Variants in HSPG2 observed in about 807,000 individuals in gnomAD.
HSPG2 encodes the protein heparan sulfate proteoglycan 2.
A neutral mutation model predicts 526.6 loss-of-function variants in HSPG2; 278 were observed. The ratio of observed to expected loss-of-function variants is 0.53; its 90% CI spans 0.48 to 0.58. HSPG2 has a LOEUF of 0.58. Among genes scored for constraint, HSPG2 ranks in the 20% least tolerant of loss-of-function variants. HSPG2 has a pLI of 0.00. For synonymous variants in HSPG2, 2,465 were observed against 2,555.4 expected, an observed-to-expected ratio of 0.96 and a Z score of 1.07; for missense variants, 5,354 against 6,099.5, an observed-to-expected ratio of 0.88 and a Z score of 4.07.
chr1:21,851,869 C>T lies in HSPG2; in HGVS notation c.6928G>A (p.Val2310Ile), dbSNP rs374301325. ...TCCATGCCGTTGCTGGCCCGGCAGACGTACTGTCCCGCATCGGCAGGTGAG... is the reference window on the plus strand; with the variant it reads ...TCCATGCCGTTGCTGGCCCGGCAGATGTACTGTCCCGCATCGGCAGGTGAG... ...QASPADAGQY[V>I]CRASNGMEAS... The change falls in exon 54 of 97, where the codon GTC becomes ATC. Residue 2310 changes from valine (V) to isoleucine (I), a missense_variant. Val to Ile is a conservative substitution (Grantham distance 29). Transcript: ENST00000374695. 55 of 1,613,002 alleles carry T rather than the reference C, an allele frequency of 3.4e-5. No individual in the cohort carries two copies. The highest frequency in any genetic ancestry group is 4.1e-5 in the Non-Finnish European group (48 of 1,179,764).
intron 44 of HSPG2, 125 bp from the exon 45 acceptor site, chr1:21,856,037 G>A: frequency 1.5e-6 from 2 of 1,308,520 alleles, no homozygotes; most frequent in Non-Finnish European, 2.1e-6. Flanking sequence ...GCACACAGGA[G>A]CCAGAGGGAG....
In HSPG2 at chr1:21,876,365, G is replaced by A. The variant is rs1641063888; in HGVS notation, c.2867C>T (p.Thr956Ile). 1 of 1,613,092 alleles carries A rather than the reference G, an allele frequency of 6.2e-7. No individual in the cohort carries two copies. Among genetic ancestry groups the A allele is most frequent in the Non-Finnish European group, 8.5e-7 (1 of 1,179,644 alleles). Residue 956 changes from threonine (T) to isoleucine (I), a missense_variant, in exon 23 of 97, where the codon ACC becomes ATC. Coordinates refer to ENST00000374695, the MANE Select transcript of HSPG2 (RefSeq NM_005529.7). ...ASEEPGHFSL[T>I]NAASTHTTNE... ...GGTGGTGTGGGTGCTTGCGGCGTTG[G>A]TCAGGCTGAAGTGACCAGGCTCCTC...
In HSPG2 at chr1:21,880,115, G is replaced by A. The variant is rs149094407; in HGVS notation, c.2335C>T (p.His779Tyr). ...CTGCTGGCACTACTCACCAGGCAGT[G>A]GCCATACACAGGGTCACAGGAGCTG... ...HASSCDPVYG[H>Y]CLNCQHNTEG... Residue 779 changes from histidine to tyrosine, a missense_variant, in exon 17 of 97, where the codon CAC becomes TAC. Physicochemically the swap from His to Tyr is moderately conservative, Grantham distance 83. Coordinates refer to ENST00000374695, the MANE Select transcript of HSPG2 (RefSeq NM_005529.7). 2,047 of 1,614,114 alleles carry A rather than the reference G, an allele frequency of 1.3e-3. 1 individual carries two copies. Among genetic ancestry groups the A allele is most frequent in the Non-Finnish European group, 1.6e-3 (1,875 of 1,180,010 alleles).
rs747853683 is a variant in HSPG2, at chr1:21,885,152, G to T, written c.1216C>A (p.Pro406Thr). The part of the protein sequence containing the change: ...DRSDEFGCMP[P>T]QVVTPPRESI... ...TCCCGGGGAGGTGTCACCACCTGGG[G>T]GGGCACTGAGGAGACCAGGGCAGGA... The change falls in exon 11 of 97, where the codon CCC becomes ACC. Residue 406 changes from proline to threonine, a missense_variant. Physicochemically the swap from Pro to Thr is conservative, Grantham distance 38. Transcript: ENST00000374695. 9.3e-6 allele frequency: 15 copies of T among 1,607,960 alleles called. No homozygotes were observed. The highest frequency in any genetic ancestry group is 1.7e-4 in the Middle Eastern group (1 of 5,954).
chr1:21,833,167 C>A, intron 80 of HSPG2, 101 bp downstream of exon 80: 1 of 976,916 alleles, frequency 1.0e-6, no homozygotes, highest in Non-Finnish European at 1.6e-6. Flanking sequence ...GGGATTGGGG[C>A]AGGACTGAGG....
At position 21,846,261 on chromosome 1, in the gene HSPG2, T is replaced by G; in HGVS notation, c.8317-6A>C. On this transcript the variant is annotated splice_region_variant and splice_polypyrimidine_tract_variant and intron_variant, in intron 63 of 96. Transcript: ENST00000374695. ...CGCAGCCGTGAGCCGCGGGTCTGAATAGGGGACAGGACAGAGGAACAGAGT... is the reference window on the plus strand; with the variant it reads ...CGCAGCCGTGAGCCGCGGGTCTGAAGAGGGGACAGGACAGAGGAACAGAGT... The G allele has an allele frequency of 6.2e-7, 1 of 1,612,976 alleles. No homozygotes were observed. The highest frequency in any genetic ancestry group is 8.5e-7 in the Non-Finnish European group (1 of 1,179,952).
intron 1 of HSPG2, among the ~76,000 whole-genome samples, chr1:21,936,889 C>G (rs1644502164): frequency 6.6e-6 from 1 of 152,200 alleles, no homozygotes; most frequent in African/African-American, 2.4e-5. Flanking sequence ...CACTCGGCAA[C>G]GTGGCCGAGA....
intron 37 of HSPG2, among the ~76,000 whole-genome samples, chr1:21,863,283 G>A (rs1443572874): frequency 1.3e-5 from 2 of 151,004 alleles, no homozygotes; most frequent in Non-Finnish European, 2.9e-5. Flanking sequence ...TGAGGCAGGA[G>A]AATGGCGTGA....
In HSPG2 at chr1:21,876,317, G is replaced by T. The variant is rs781639534; in HGVS notation, c.2915C>A (p.Thr972Lys). Residue 972 changes from threonine to lysine, a missense_variant, in exon 23 of 97, where the codon ACG becomes AAG. Transcript: ENST00000374695. Reference protein sequence around the residue: ...HTTNEGIFSPTPGELGFSSFH... With the variant: ...HTTNEGIFSPKPGELGFSSFH... ...GGAGGAGAATCCCAGTTCCCCGGGC[G>T]TGGGGGAGAAGATGCCCTCGTTGGT... 6.2e-7 allele frequency: 1 copy of T among 1,614,062 alleles called. No homozygotes were observed. The highest frequency in any genetic ancestry group is 1.7e-5 in the Admixed American group (1 of 60,010).
At chr1:21,850,234 G>A (rs750542585) in intron 56 of HSPG2, 42 bp from the exon 57 acceptor site, 3 of 1,612,684 alleles carry the variant, frequency 1.9e-6, no homozygotes, top group East Asian at 4.5e-5. Flanking sequence ...GCTAGGAGGT[G>A]AGATGAGATG....
At chr1:21,932,261 C>T (rs1410225400) in intron 1 of HSPG2, among the ~76,000 whole-genome samples, 1 of 152,128 alleles carries the variant, frequency 6.6e-6, no homozygotes, top group Middle Eastern at 3.2e-3. Context: ...ACTGACTGCC[C>T]ACGACAAGCA....
rs773315547 is a variant in HSPG2, at chr1:21,847,732, A to T, written c.7982T>A (p.Ile2661Asn). The T allele has an allele frequency of 3.1e-6, 5 of 1,612,614 alleles. No homozygotes were observed. The South Asian group carries it at 5.5e-5, about 18-fold the overall frequency. Reference protein sequence around the residue: ...CVVARQPQAIITWYKRGGSLP... With the variant: ...CVVARQPQAINTWYKRGGSLP... Reference sequence around the variant, plus strand: ...GCTGCCCCCACGCTTGTACCATGTGATGATAGCCTGGGGCTGCCTGGCGAC... The same window carrying T: ...GCTGCCCCCACGCTTGTACCATGTGTTGATAGCCTGGGGCTGCCTGGCGAC... Residue 2661 changes from isoleucine to asparagine, a missense_variant, in exon 61 of 97, where the codon ATC becomes AAC. Coordinates refer to ENST00000374695, the MANE Select transcript of HSPG2 (RefSeq NM_005529.7). The surrounding 1 kb of genome is among the most constrained non-coding windows in gnomAD (Gnocchi z 4.1).
Position 21,865,799 on chromosome 1 carries a change from T to C in HSPG2, c.4232A>G (p.Tyr1411Cys), listed in dbSNP as rs1266712192. ...GAGGGTGTATCGCAACTTCCCACCG[T>C]AGGCCGCCACCTGCAAAGAGGCAAG... Reference protein sequence around the residue: ...ETYQGDKVAAYGGKLRYTLSY... With the variant: ...ETYQGDKVAACGGKLRYTLSY... Residue 1411 changes from tyrosine to cysteine, a missense_variant, in exon 34 of 97, where the codon TAC becomes TGC. Coordinates refer to ENST00000374695, the MANE Select transcript of HSPG2 (RefSeq NM_005529.7). This position sits in a 1 kb window ranked among gnomAD's most constrained non-coding sequence, Gnocchi z 5.4. 1 of 1,613,608 alleles carries C rather than the reference T, an allele frequency of 6.2e-7. No individual in the cohort carries two copies. Among genetic ancestry groups the C allele is most frequent in the Non-Finnish European group, 8.5e-7 (1 of 1,179,882 alleles).
At chr1:21,889,070 C>T (rs530982768) in intron 6 of HSPG2, among the ~76,000 whole-genome samples, 5 of 152,256 alleles carry the variant, frequency 3.3e-5, no homozygotes, top group East Asian at 1.9e-4. Flanking sequence ...GGACTACAGG[C>T]GCGCACCACC....
Position 21,824,298 on chromosome 1 carries a change from G to A in HSPG2, c.12815+8C>T, listed in dbSNP as rs1365429130. 6.2e-7 allele frequency: 1 copy of A among 1,613,746 alleles called. No individual in the cohort carries two copies. The highest frequency in any genetic ancestry group is 1.3e-5 in the African/African-American group (1 of 74,928). ...AAGGGAGAGGAAGGGCCAGGTGCCA[G>A]GACCTACCTGAAGACAAGGTGCCCG... On this transcript the variant is annotated splice_region_variant and intron_variant, in intron 94 of 96. Coordinates refer to ENST00000374695, the MANE Select transcript of HSPG2 (RefSeq NM_005529.7). This position sits in a 1 kb window ranked among gnomAD's most constrained non-coding sequence, Gnocchi z 5.9.
At chr1:21,884,436 GC>G (rs1180398874) in intron 13 of HSPG2, 91 bp downstream of exon 13, 1 of 1,522,708 alleles carries the variant, frequency 6.6e-7, no homozygotes, top group South Asian at 1.1e-5. Context: ...CCGAAACCTG[GC>G]CCCCTCTGTC....
chr1:21,853,579 T>TA (rs933713387), intron 50 of HSPG2: 60 of 167,346 alleles, frequency 3.6e-4, no homozygotes, highest in South Asian at 1.1e-3. Flanking sequence ...CCGTCTCTAC[T>TA]AAAAAAAATA....
In HSPG2 at chr1:21,834,166, G is replaced by C. The variant is rs533014528; in HGVS notation, c.10721-241C>G. Among the ~76,000 whole-genome samples the C allele has an allele frequency of 2.0e-5, 3 of 152,276 alleles. No individual in the cohort carries two copies. In the South Asian group the frequency reaches 6.2e-4, roughly 32 times the overall value. On this transcript the variant is annotated intron_variant, in intron 77 of 96. Coordinates refer to ENST00000374695, the MANE Select transcript of HSPG2 (RefSeq NM_005529.7). ...AGCCTGAGACCTCTTCAACATGCCT[G>C]GGCAAAAAATTGTGCAGCCCTTTGG...
Position 21,872,839 on chromosome 1 carries a change from C to G in HSPG2, c.3889-79G>C. Reference sequence around the variant, plus strand: ...CCCCAGCAGCCTGAGGCCAGCCTCCCTGGCCACTTCCAGCAGCCCCGGGCA... The same window carrying G: ...CCCCAGCAGCCTGAGGCCAGCCTCCGTGGCCACTTCCAGCAGCCCCGGGCA... On this transcript the variant is annotated intron_variant, in intron 31 of 96. Coordinates refer to ENST00000374695, the MANE Select transcript of HSPG2 (RefSeq NM_005529.7). This position sits in a 1 kb window ranked among gnomAD's most constrained non-coding sequence, Gnocchi z 5.5. 6.4e-7 allele frequency: 1 copy of G among 1,571,410 alleles called. No homozygotes were observed. Among genetic ancestry groups the G allele is most frequent in the Non-Finnish European group, 8.7e-7 (1 of 1,153,656 alleles).
Sources: allele counts gnomAD v4.1 joint callset (sites outside exome capture counted in the v4.1 genomes callset), GRCh38; gene constraint gnomAD v4.1.1; non-coding constraint Gnocchi (gnomAD v3.1); transcripts MANE v1.5; gene names NCBI Gene and HGNC (gene_info 2026-07-23, HGNC 2026-07-21).